L3MBTL2: variants seen among roughly 807,000 people sequenced by gnomAD.
L3MBTL2 encodes the protein L3MBTL histone methyl-lysine binding protein 2, also known as lethal(3)malignant brain tumor-like protein 2.
A neutral mutation model predicts 86.4 loss-of-function variants in L3MBTL2; 49 were observed. That is an observed-to-expected ratio of 0.57 (90% CI 0.45 to 0.72). The LOEUF is 0.72. L3MBTL2 is among the 30% of genes least tolerant of loss of function. L3MBTL2 has a pLI of 0.00. For missense variants in L3MBTL2, 755 were observed against 923.7 expected (o/e 0.82, Z 2.37); for synonymous variants, 336 against 350.6 (o/e 0.96, Z 0.47).
intron 2 of L3MBTL2, among the ~76,000 whole-genome samples, chr22:41,212,522 G>A (rs139446): frequency 1.3e-4 from 19 of 150,378 alleles, no homozygotes; most frequent in Admixed American, 8.6e-4. Flanking sequence ...CCCAGCCTCC[G>A]GAGTAGCTGG....
chr22:41,212,396 C>CTT (rs10553071), intron 2 of L3MBTL2, among the ~76,000 whole-genome samples: 26 of 125,808 alleles, frequency 2.1e-4, no homozygotes, highest in Non-Finnish European at 3.3e-4. Context: ...TAGGTTCAGG[C>CTT]TTTTTTTTTT....
chr22:41,220,986 G>GCC, intron 7 of L3MBTL2, 118 bp downstream of exon 7: 1 of 1,251,216 alleles, frequency 8.0e-7, no homozygotes, highest in Non-Finnish European at 1.1e-6. Flanking sequence ...GAATCCACTT[G>GCC]CCCCCTGGCT....
chr22:41,219,225 C>T (rs1002319855), intron 5 of L3MBTL2, 194 bp from the exon 6 acceptor site: 1 of 503,180 alleles, frequency 2.0e-6, no homozygotes, highest in African/African-American at 1.9e-5. Flanking sequence ...CCCACCACCT[C>T]CACCTCTACT....
intron 2 of L3MBTL2, among the ~76,000 whole-genome samples, chr22:41,210,751 A>G (rs61617351): frequency 0.026 from 4,030 of 152,324 alleles, 192 homozygotes; most frequent in African/African-American, 0.092. Context: ...GGAGTGAGCC[A>G]CTGTGCCCGG....
In L3MBTL2 at chr22:41,227,577, A is replaced by C. The variant is rs1375781997; in HGVS notation, c.1823-227A>C. The C allele has an allele frequency of 5.2e-5, 80 of 1,547,796 alleles. No homozygotes were observed. The highest frequency in any genetic ancestry group is 6.8e-5 in the Non-Finnish European group (78 of 1,145,738). On this transcript the variant is annotated intron_variant, in intron 14 of 16. Coordinates refer to ENST00000216237, the MANE Select transcript of L3MBTL2 (RefSeq NM_031488.5). This position sits in a 1 kb window ranked among gnomAD's most constrained non-coding sequence, Gnocchi z 6.0. ...TGTTCGTGCCCTTGTGCACCCAGGT[A>C]AACTACCCAGGTCCCTCTGAGCAGC...
chr22:41,227,043 G>T lies in L3MBTL2; in HGVS notation c.1588-46G>T. 6.6e-7 allele frequency: 1 copy of T among 1,520,796 alleles called. No homozygotes were observed. Among genetic ancestry groups the T allele is most frequent in the Non-Finnish European group, 8.9e-7 (1 of 1,118,362 alleles). 94.2% of individuals were successfully genotyped at this position (1,520,796 alleles called of 1,614,324 possible). ...TCCGGGCCGGGGCAAGCCTGCTGGG[G>T]TAGGGAGCTGACTGGCTTGGCCACT... On this transcript the variant is annotated intron_variant, in intron 13 of 16. Transcript: ENST00000216237. This position sits in a 1 kb window ranked among gnomAD's most constrained non-coding sequence, Gnocchi z 6.0.
At chr22:41,220,157 G>A (rs1026390312) in intron 6 of L3MBTL2, among the ~76,000 whole-genome samples, 4 of 152,194 alleles carry the variant, frequency 2.6e-5, no homozygotes, top group African/African-American at 9.6e-5. Context: ...AGACCAGACG[G>A]GGCAATATAG....
chr22:41,209,629 G>C, intron 1 of L3MBTL2, 67 bp from the exon 2 acceptor site: 1 of 1,407,760 alleles, frequency 7.1e-7, no homozygotes, highest in Non-Finnish European at 1.0e-6. Flanking sequence ...CAGATCTGCA[G>C]CTTCTCCCCC....
rs1368413899 is a variant in L3MBTL2, at chr22:41,225,822, G to A, written c.1385G>A (p.Cys462Tyr). ...KVLLDGYLMI[C>Y]VDGGPSTDGL... ...CTCCTGGATGGATACCTGATGATCT[G>A]TGTGGACGGGGGGCCCTCCACAGAT... Residue 462 changes from cysteine to tyrosine, a missense_variant, in exon 12 of 17, where the codon TGT (cysteine) becomes TAT (tyrosine). Physicochemically the swap from Cys to Tyr is radical, Grantham distance 194 (BLOSUM62 -2). Transcript: ENST00000216237. This position sits in a 1 kb window ranked among gnomAD's most constrained non-coding sequence, Gnocchi z 4.1. 1.9e-6 allele frequency: 3 copies of A among 1,613,804 alleles called. No homozygotes were observed. Among genetic ancestry groups the A allele is most frequent in the East Asian group, 2.2e-5 (1 of 44,886 alleles).
At chr22:41,212,096 CTA>C (rs1171358278) in intron 2 of L3MBTL2, among the ~76,000 whole-genome samples, 3 of 151,686 alleles carry the variant, frequency 2.0e-5, no homozygotes, top group Non-Finnish European at 2.9e-5. Flanking sequence ...AATCTCCTGA[CTA>C]CGTGATCCGC....
At position 41,226,698 on chromosome 22, in the gene L3MBTL2, T is replaced by G. The variant is rs769109276; in HGVS notation, c.1541T>G (p.Leu514Trp). ...CAGACTTTCAACTGGGAGAACTACT[T>G]GGAGAAGACCAAGTCGAAAGCCGCT... ...EAQTFNWENY[L>W]EKTKSKAAPS... Residue 514 changes from leucine (L) to tryptophan (W), a missense_variant, in exon 13 of 17, where the codon TTG (leucine) becomes TGG (tryptophan). By Grantham distance (61) the Leu-to-Trp change is moderately conservative. Transcript: ENST00000216237. 1 of 1,613,992 alleles carries G rather than the reference T, an allele frequency of 6.2e-7. No homozygotes were observed. Among genetic ancestry groups the G allele is most frequent in the Non-Finnish European group, 8.5e-7 (1 of 1,179,910 alleles).
chr22:41,220,118 CAGG>C (rs1324730017), intron 6 of L3MBTL2, among the ~76,000 whole-genome samples: 1 of 152,058 alleles, frequency 6.6e-6, no homozygotes, highest in African/African-American at 2.4e-5. Context: ...GAGGCAGAGG[CAGG>C]AGGATTGTTT....
intron 8 of L3MBTL2, among the ~76,000 whole-genome samples, chr22:41,223,227 T>C (rs2031954356): frequency 6.6e-6 from 1 of 152,188 alleles, no homozygotes; most frequent in South Asian, 2.1e-4. Flanking sequence ...TCCTGGTGTG[T>C]TTGGAAATAG....
At position 41,225,214 on chromosome 22, in the gene L3MBTL2, T is replaced by G. The variant is rs2032097339; in HGVS notation, c.1356+143T>G. 10 of 660,294 alleles carry G rather than the reference T, an allele frequency of 1.5e-5. No homozygotes were observed. In the South Asian group the frequency reaches 1.6e-4, roughly 10 times the overall value. The allele number at this position is 660,294 out of a possible 1,614,324, so 40.9% of individuals were successfully genotyped here. On this transcript the variant is annotated intron_variant, in intron 11 of 16. Coordinates refer to ENST00000216237, the MANE Select transcript of L3MBTL2 (RefSeq NM_031488.5). This position sits in a 1 kb window ranked among gnomAD's most constrained non-coding sequence, Gnocchi z 4.1. ...GGCTGCACCCAGAGTCCCTGACTTT[T>G]GTGAGTGGGGCCTGGCCTGCCCCTT...
chr22:41,207,032 T>C (rs1225081012), intron 1 of L3MBTL2, among the ~76,000 whole-genome samples: 2 of 152,072 alleles, frequency 1.3e-5, no homozygotes, highest in Non-Finnish European at 2.9e-5. Context: ...GCTTATTACC[T>C]CTCTTGTAAT....
At chr22:41,216,002 T>C in intron 3 of L3MBTL2, 137 bp from the exon 4 acceptor site, 1 of 964,930 alleles carries the variant, frequency 1.0e-6, no homozygotes, top group East Asian at 2.7e-5. Context: ...TTGTCATCAC[T>C]GTTTCACACA....
chr22:41,213,788 GGGCTCACCT>G, intron 2 of L3MBTL2, 96 bp from the exon 3 acceptor site: 1 of 1,266,166 alleles, frequency 7.9e-7, no homozygotes, highest in South Asian at 1.3e-5. Flanking sequence ...GTGGGGGCAG[GGGCTCACCT>G]GGTTAATGCA....
At chr22:41,218,627 A>AT (rs1046776925) in intron 5 of L3MBTL2, 10 of 152,096 alleles carry the variant, frequency 6.6e-5, no homozygotes, top group Admixed American at 5.9e-4. Flanking sequence ...ATTTTATTTT[A>AT]TTTATTTTTT....
intron 1 of L3MBTL2, among the ~76,000 whole-genome samples, chr22:41,207,608 T>C (rs943434228): frequency 2.6e-5 from 4 of 152,186 alleles, no homozygotes; most frequent in Non-Finnish European, 4.4e-5. Flanking sequence ...CTGCAGGTCA[T>C]ACAGCGAGTA....
Sources: gnomAD v4.1 joint callset for allele counts (sites outside exome capture counted in the v4.1 genomes callset) on GRCh38, gnomAD v4.1.1 for gene constraint, Gnocchi (gnomAD v3.1) non-coding constraint, MANE v1.5 for transcripts, NCBI Gene and HGNC (gene_info 2026-07-23, HGNC 2026-07-21) for gene names.